The following F9 variants were observed in gnomAD, a reference collection of about 807,000 sequenced individuals.
F9 encodes Christmas factor.
F9 carries 2 observed loss-of-function variants against 34.1 expected under a neutral mutation model. The observed-to-expected ratio is 0.06, with a 90% confidence interval of 0.02 to 0.18. F9 has a LOEUF of 0.18. Ranked by LOEUF, F9 falls within the 10% of genes least tolerant of loss-of-function variation. The probability of loss-of-function intolerance (pLI) is 1.00; values close to 1 mark genes in which losing one functional copy is unlikely to be tolerated. For synonymous variants in F9, 137 were observed against 118.8 expected (o/e 1.15, Z -1.00); for missense variants, 216 against 345.1 (o/e 0.63, Z 2.96).
At chrX:139,553,239 T>C (rs1447051893) in intron 6 of F9, among the ~76,000 whole-genome samples, 2 of 112,037 alleles carry the variant, frequency 1.8e-5, no homozygotes, top group East Asian at 2.8e-4. Flanking sequence ...TTACCTACCA[T>C]AACCCCTTCC....
rs1928167085 is a variant in F9 at position 139,563,258 on chromosome X, C to G, written c.*1187C>G. On this transcript the variant is annotated 3_prime_UTR_variant, in exon 8 of 8. Coordinates refer to ENST00000218099, the MANE Select transcript of F9 (RefSeq NM_000133.4). ...TATCATGTCTCCTTTAACTAGCATA[C>G]CCCGAAGTGGAGAAGGGTGCAGCAG... The G allele has an allele frequency of 9.0e-6, 1 of 110,563 alleles. No individual in the cohort carries two copies. The highest frequency in any genetic ancestry group is 3.3e-5 in the African/African-American group (1 of 30,386). 9.1% of individuals were successfully genotyped at this position (110,563 alleles called of 1,213,427 possible). A position where few individuals can be genotyped will look rare whatever the true frequency, so the allele number is the denominator to read the frequency against.
chrX:139,555,262 A>G (rs1927940275), intron 6 of F9, among the ~76,000 whole-genome samples: 2 of 112,410 alleles, frequency 1.8e-5, no homozygotes, highest in African/African-American at 3.2e-5. Context: ...ACCTGGCCAG[A>G]GATCAGAGCA....
At chrX:139,555,558 G>T (rs1927950238) in intron 6 of F9, among the ~76,000 whole-genome samples, 1 of 112,709 alleles carries the variant, frequency 8.9e-6, no homozygotes, top group Non-Finnish European at 1.9e-5. Flanking sequence ...AGTCGCGCAA[G>T]GTTAGAAGGT....
At chrX:139,544,090 A>G (rs991191358) in intron 4 of F9, among the ~76,000 whole-genome samples, 3 of 112,246 alleles carry the variant, frequency 2.7e-5, no homozygotes, top group African/African-American at 9.7e-5. Context: ...AGAATGATAC[A>G]GAGGTCTGGT....
At chrX:139,553,536 G>T (rs1927892370) in intron 6 of F9, among the ~76,000 whole-genome samples, 1 of 111,259 alleles carries the variant, frequency 9.0e-6, no homozygotes, top group South Asian at 3.8e-4. Flanking sequence ...CAGAGTAGGG[G>T]ATCCAAGAAC....
In F9 at chrX:139,548,002, T is replaced by A. The variant is rs1927753488; in HGVS notation, c.392-361T>A. On this transcript the variant is annotated intron_variant, in intron 4 of 7. Coordinates refer to ENST00000218099, the MANE Select transcript of F9 (RefSeq NM_000133.4). The stretch of plus-strand genomic sequence containing the variant: ...TGGTCAGTTTAGTGTTTAAACAGGC[T>A]CATTTACTTTGTGAAAACTTACACT... 3 of 181,057 alleles carry A rather than the reference T, an allele frequency of 1.7e-5. No homozygotes were observed. In the South Asian group the frequency reaches 2.9e-4, roughly 17 times the overall value. The allele number at this position is 181,057 out of a possible 1,213,427, so 14.9% of individuals were successfully genotyped here.
At chrX:139,557,238 A>C (rs1475663600) in intron 6 of F9, among the ~76,000 whole-genome samples, 3 of 111,965 alleles carry the variant, frequency 2.7e-5, no homozygotes, top group Non-Finnish European at 5.6e-5. Flanking sequence ...TGATGTCTTT[A>C]AGAACTTGTC....
Position 139,530,772 on chromosome X carries a change from G to C in F9, c.8G>C (p.Arg3Pro). ...AATCTGCTAGCAAAGGTTATGCAGC[G>C]CGTGAACATGATCATGGCAGAATCA... MQ[R>P]VNMIMAESPG... The change falls in exon 1 of 8, where the codon CGC (arginine) becomes CCC (proline). Residue 3 changes from arginine (R) to proline (P), a missense_variant. By Grantham distance (103) the Arg-to-Pro change is moderately radical. Coordinates refer to ENST00000218099, the MANE Select transcript of F9 (RefSeq NM_000133.4). 8.3e-7 allele frequency: 1 copy of C among 1,209,535 alleles called. No homozygotes were observed. Among genetic ancestry groups the C allele is most frequent in the South Asian group, 1.8e-5 (1 of 56,925 alleles).
chrX:139,534,195 A>G (rs956069485), intron 1 of F9, among the ~76,000 whole-genome samples: 5 of 112,024 alleles, frequency 4.5e-5, no homozygotes. Context: ...TTAAAACAGA[A>G]GAAAGTAGGG....
chrX:139,543,360 A>T (rs186622260), intron 4 of F9, among the ~76,000 whole-genome samples: 1 of 111,590 alleles, frequency 9.0e-6, no homozygotes, highest in East Asian at 2.8e-4. Flanking sequence ...TCTCAGATAA[A>T]TGAAGGTCTG....
chrX:139,542,343 C>T (rs1436368675), intron 4 of F9, among the ~76,000 whole-genome samples: 1 of 112,102 alleles, frequency 8.9e-6, no homozygotes, highest in Non-Finnish European at 1.9e-5. Context: ...TGAACTTGCA[C>T]ACCTGGCTTG....
intron 1 of F9, among the ~76,000 whole-genome samples, chrX:139,534,101 A>G (rs1927402395): frequency 8.9e-6 from 1 of 112,229 alleles, no homozygotes; most frequent in South Asian, 3.7e-4. Context: ...GATTGTGACA[A>G]TAGTCATTTC....
intron 6 of F9, among the ~76,000 whole-genome samples, chrX:139,551,863 C>A (rs1392063005): frequency 9.0e-6 from 1 of 111,628 alleles, no homozygotes; most frequent in Non-Finnish European, 1.9e-5. Context: ...TGTGCGCAAA[C>A]AAGCACTGCA....
chrX:139,530,980 C>A, intron 1 of F9, 128 bp downstream of exon 1: 1 of 581,457 alleles, frequency 1.7e-6, no homozygotes, highest in Non-Finnish European at 2.9e-6. Flanking sequence ...TAACAGCCAG[C>A]ACGCAGGTTG....
At chrX:139,539,484 A>G (rs1603264565) in intron 3 of F9, among the ~76,000 whole-genome samples, 2 of 112,267 alleles carry the variant, frequency 1.8e-5, no homozygotes, top group African/African-American at 6.5e-5. Context: ...TTTGACCCCA[A>G]CTGTCTATGG....
intron 6 of F9, among the ~76,000 whole-genome samples, chrX:139,555,364 C>T (rs968572254): frequency 5.3e-5 from 6 of 112,626 alleles, no homozygotes; most frequent in African/African-American, 1.9e-4. Flanking sequence ...ACGCTCATTT[C>T]TTACCTTATT....
At chrX:139,559,567 G>A (rs1445023662) in intron 6 of F9, among the ~76,000 whole-genome samples, 1 of 111,285 alleles carries the variant, frequency 9.0e-6, no homozygotes. Flanking sequence ...GTATGAAAAA[G>A]GAAGTCAGAG....
chrX:139,550,901 C>T (rs774838331), intron 5 of F9, among the ~76,000 whole-genome samples, 161 bp from the exon 6 acceptor site: 1 of 111,930 alleles, frequency 8.9e-6, no homozygotes, highest in East Asian at 2.8e-4. Flanking sequence ...CGCAATCAAC[C>T]TTTTAGCTTG....
At chrX:139,557,673 C>A (rs1927999590) in intron 6 of F9, among the ~76,000 whole-genome samples, 1 of 112,513 alleles carries the variant, frequency 8.9e-6, no homozygotes, top group Non-Finnish European at 1.9e-5. Context: ...ATTGCTTAAA[C>A]AAATATGTTC....
Sources: gnomAD v4.1 joint callset for allele counts (sites outside exome capture counted in the v4.1 genomes callset) on GRCh38, gnomAD v4.1.1 for gene constraint, MANE v1.5 for transcripts, NCBI Gene and HGNC (gene_info 2026-07-23, HGNC 2026-07-21) for gene names.